The following KCNH8 variants were observed in gnomAD, a reference collection of about 807,000 sequenced individuals.
KCNH8 encodes potassium voltage-gated channel subfamily H member 8.
A neutral mutation model predicts 103.6 loss-of-function variants in KCNH8; 70 were observed. The ratio of observed to expected loss-of-function variants is 0.68; its 90% CI spans 0.56 to 0.82. The LOEUF (loss-of-function observed/expected upper bound fraction) is 0.82. Ranked by LOEUF, KCNH8 falls within the 40% of genes least tolerant of loss-of-function variation. The pLI is 0.00. For synonymous variants in KCNH8, 498 were observed against 489.4 expected, an observed-to-expected ratio of 1.02 and a Z score of -0.23; for missense variants, 1,217 against 1,329.9, an observed-to-expected ratio of 0.92 and a Z score of 1.32.
At chr3:19,375,650 G>T (rs1408396618) in intron 5 of KCNH8, among the ~76,000 whole-genome samples, 3 of 152,196 alleles carry the variant, frequency 2.0e-5, no homozygotes, top group Admixed American at 2.0e-4. Context: ...TGCTGGTGAG[G>T]AACTCCGTTC....
chr3:19,268,281 G>A lies in KCNH8; in HGVS notation c.311-12917G>A, dbSNP rs964205733. Among the ~76,000 whole-genome samples, 4 of 152,022 alleles carry A rather than the reference G, an allele frequency of 2.6e-5. 1 individual carries two copies. In the South Asian group the frequency reaches 8.3e-4, roughly 32 times the overall value. ...GGATCTGACCAAATATGGAGTTCAAGGAAAACCTCATCAAGGAAATTATAT... is the reference window on the plus strand; with the variant it reads ...GGATCTGACCAAATATGGAGTTCAAAGAAAACCTCATCAAGGAAATTATAT... On this transcript the variant is annotated intron_variant, in intron 2 of 15. Transcript: ENST00000328405.
At chr3:19,527,513 A>G (rs1311708578) in intron 15 of KCNH8, among the ~76,000 whole-genome samples, 1 of 152,098 alleles carries the variant, frequency 6.6e-6, no homozygotes, top group Non-Finnish European at 1.5e-5. Context: ...TTATGGAAAT[A>G]TGACACAGAG....
At chr3:19,350,379 C>T (rs748586030) in intron 5 of KCNH8, among the ~76,000 whole-genome samples, 154 of 152,118 alleles carry the variant, frequency 1.0e-3, no homozygotes, top group South Asian at 2.3e-3. Context: ...AAGAGAGGAG[C>T]GGTTCTCCCA....
In KCNH8 at chr3:19,524,372, G is replaced by A. The variant is rs539308701; in HGVS notation, c.2619+6298G>A. Among the ~76,000 whole-genome samples, 7 of 151,868 alleles carry A rather than the reference G, an allele frequency of 4.6e-5. No individual in the cohort carries two copies. The East Asian group carries it at 7.8e-4, about 17-fold the overall frequency. On this transcript the variant is annotated intron_variant, in intron 15 of 15. Transcript: ENST00000328405. Reference sequence around the variant, plus strand: ...TCAATTAACTGCTGGCAAAACCAACGGTTTTTCTTTTAATTTTTAGATATG... The same window carrying A: ...TCAATTAACTGCTGGCAAAACCAACAGTTTTTCTTTTAATTTTTAGATATG...
chr3:19,492,212 C>A lies in KCNH8; in HGVS notation c.2041-18151C>A, dbSNP rs748960202. 3.4e-4 allele frequency among the ~76,000 whole-genome samples: 52 copies of A among 152,080 alleles called. 1 individual carries two copies. The highest frequency in any genetic ancestry group is 1.8e-4 in the Non-Finnish European group (12 of 68,016). On this transcript the variant is annotated intron_variant, in intron 11 of 15. Coordinates refer to ENST00000328405, the MANE Select transcript of KCNH8 (RefSeq NM_144633.3). The stretch of plus-strand genomic sequence containing the variant: ...GACTTGTCATTTTTTGTTTTCACTG[C>A]AATTGCTTTTGGGGACTTGGCAAAA...
chr3:19,390,418 C>A, intron 5 of KCNH8, 63 bp from the exon 6 acceptor site: 1 of 1,267,850 alleles, frequency 7.9e-7, no homozygotes, highest in Non-Finnish European at 1.1e-6. Flanking sequence ...CATTGTCCTT[C>A]CTACCTTCTT....
intron 7 of KCNH8, among the ~76,000 whole-genome samples, chr3:19,402,624 A>G (rs1054428997): frequency 1.3e-5 from 2 of 151,910 alleles, no homozygotes; most frequent in African/African-American, 4.8e-5. Context: ...TGTATATGCT[A>G]TACCACAAAT....
At chr3:19,256,650 G>A (rs553417789) in intron 2 of KCNH8, among the ~76,000 whole-genome samples, 3 of 152,122 alleles carry the variant, frequency 2.0e-5, no homozygotes, top group African/African-American at 4.8e-5. Context: ...CACAATATCC[G>A]AATCTAGGTG....
chr3:19,351,458 G>A (rs1213166613), intron 5 of KCNH8, among the ~76,000 whole-genome samples: 2 of 150,316 alleles, frequency 1.3e-5, no homozygotes, highest in African/African-American at 4.9e-5. Context: ...TTGAAATGAA[G>A]GAAAAAATGT....
At chr3:19,308,465 G>A (rs763160286) in intron 3 of KCNH8, among the ~76,000 whole-genome samples, 6 of 151,756 alleles carry the variant, frequency 4.0e-5, no homozygotes, top group Non-Finnish European at 5.9e-5. Context: ...TTCAAGGTTT[G>A]TCCATTCAAA....
intron 5 of KCNH8, among the ~76,000 whole-genome samples, chr3:19,356,102 T>C (rs2065878921): frequency 6.6e-6 from 1 of 151,870 alleles, no homozygotes; most frequent in African/African-American, 2.4e-5. Flanking sequence ...GGTATTCACG[T>C]AAACTCCATA....
chr3:19,330,503 G>T (rs1287311515), intron 3 of KCNH8, among the ~76,000 whole-genome samples: 1 of 152,126 alleles, frequency 6.6e-6, no homozygotes, highest in Non-Finnish European at 1.5e-5. Flanking sequence ...ACTGTTGTGG[G>T]AGTCATATTT....
chr3:19,534,250 C>G lies in KCNH8; in HGVS notation c.*151C>G, dbSNP rs759981582. The G allele has an allele frequency of 3.2e-6, 2 of 620,114 alleles. No individual in the cohort carries two copies. The highest frequency in any genetic ancestry group is 5.7e-6 in the Non-Finnish European group (2 of 353,190). The allele number at this position is 620,114 out of a possible 1,614,324, so 38.4% of individuals were successfully genotyped here. On this transcript the variant is annotated 3_prime_UTR_variant, in exon 16 of 16. Transcript: ENST00000328405. ...AGGAGCCAGGGAAAGGCAGAACCAC[C>G]TCCATGCTGTAGCAAACAATTTCTA...
intron 3 of KCNH8, among the ~76,000 whole-genome samples, chr3:19,320,666 T>G (rs775566990): frequency 6.6e-6 from 1 of 151,894 alleles, no homozygotes; most frequent in Non-Finnish European, 1.5e-5. Context: ...CTTTCCTGGT[T>G]TTGGTGTTAG....
intron 11 of KCNH8, among the ~76,000 whole-genome samples, chr3:19,486,202 A>G (rs970803510): frequency 2.0e-5 from 3 of 152,202 alleles, no homozygotes; most frequent in African/African-American, 7.2e-5. Flanking sequence ...GTCTGCTAGA[A>G]TAGACTGAGC....
intron 5 of KCNH8, among the ~76,000 whole-genome samples, chr3:19,385,466 T>C (rs2066344151): frequency 6.6e-6 from 1 of 152,176 alleles, no homozygotes; most frequent in South Asian, 2.1e-4. Flanking sequence ...TATGCCTCAA[T>C]CTACCTGATT....
intron 5 of KCNH8, among the ~76,000 whole-genome samples, chr3:19,353,999 C>G (rs576029222): frequency 6.6e-6 from 1 of 152,254 alleles, no homozygotes; most frequent in East Asian, 1.9e-4. Context: ...TGTCTCAGCC[C>G]AAAATCTCGT....
chr3:19,408,654 G>T (rs1286631474), intron 7 of KCNH8, among the ~76,000 whole-genome samples: 1 of 151,996 alleles, frequency 6.6e-6, no homozygotes, highest in Non-Finnish European at 1.5e-5. Context: ...AGAGATAAAT[G>T]CCCTAAAAAG....
intron 11 of KCNH8, among the ~76,000 whole-genome samples, chr3:19,504,707 G>C (rs577539876): frequency 2.4e-4 from 37 of 152,148 alleles, no homozygotes; most frequent in Non-Finnish European, 4.4e-4. Context: ...CAGAGAAAAA[G>C]GAAGAATGCA....
Sources: allele counts gnomAD v4.1 joint callset (sites outside exome capture counted in the v4.1 genomes callset), GRCh38; gene constraint gnomAD v4.1.1; transcripts MANE v1.5; gene names NCBI Gene and HGNC (gene_info 2026-07-23, HGNC 2026-07-21).